The following TAS2R1 variants were observed in gnomAD, a reference collection of about 807,000 sequenced individuals.
The protein encoded by TAS2R1 is taste 2 receptor member 1, also known as taste receptor type 2 member 1.
For missense variants in TAS2R1, 370 were observed against 353.4 expected, an observed-to-expected ratio of 1.05 and a Z score of -0.38; for synonymous variants, 141 against 134.2, an observed-to-expected ratio of 1.05 and a Z score of -0.35.
the TAS2R1 span, among the ~76,000 whole-genome samples, chr5:9,839,805 A>G: frequency 6.6e-6 from 1 of 152,146 alleles, no homozygotes; most frequent in African/African-American, 2.4e-5. Flanking sequence ...AGGTAATTAC[A>G]TATTTAAAGT....
At position 9,638,080 on chromosome 5, in the gene TAS2R1, G is replaced by A. The variant is rs1052109010; in HGVS notation, c.-80-8088C>T. 3.3e-5 allele frequency among the ~76,000 whole-genome samples: 5 copies of A among 152,162 alleles called. No homozygotes were observed. The East Asian group carries it at 9.6e-4, about 29-fold the overall frequency. On this transcript the variant is annotated intron_variant, in intron 2 of 2. Transcript: ENST00000506620. ...TCAGTGGAGAGGTCTAAAACTCAAGGCCTGCTGTTAAGATTCTCTTGTCCC... is the reference window on the plus strand; with the variant it reads ...TCAGTGGAGAGGTCTAAAACTCAAGACCTGCTGTTAAGATTCTCTTGTCCC...
chr5:9,765,447 T>C, the TAS2R1 span: 1 of 151,686 alleles, frequency 6.6e-6, no homozygotes, highest in South Asian at 2.1e-4. Flanking sequence ...TATGAATAAA[T>C]GCTGGTCAAA....
At chr5:9,800,509 T>G in the TAS2R1 span, among the ~76,000 whole-genome samples, 1 of 152,230 alleles carries the variant, frequency 6.6e-6, no homozygotes, top group East Asian at 1.9e-4. Context: ...GCTTCCTAGC[T>G]CTTCACATAG....
the TAS2R1 span, among the ~76,000 whole-genome samples, chr5:9,767,021 G>A: frequency 6.6e-6 from 1 of 152,070 alleles, no homozygotes; most frequent in African/African-American, 2.4e-5. Flanking sequence ...CCTACACATG[G>A]ATGGAGCCCA....
the TAS2R1 span, among the ~76,000 whole-genome samples, chr5:9,899,900 G>C: frequency 1.3e-5 from 2 of 152,218 alleles, no homozygotes; most frequent in African/African-American, 2.4e-5. Context: ...CTGTGGTCCG[G>C]TCCCCAAATG....
chr5:9,894,808 T>A, the TAS2R1 span, among the ~76,000 whole-genome samples: 2 of 152,200 alleles, frequency 1.3e-5, no homozygotes, highest in Non-Finnish European at 2.9e-5. Context: ...TCACAGCAGG[T>A]TTCTTTGTGT....
intron 2 of TAS2R1, among the ~76,000 whole-genome samples, chr5:9,653,291 T>A (rs950899126): frequency 6.6e-6 from 1 of 152,226 alleles, no homozygotes; most frequent in Non-Finnish European, 1.5e-5. Context: ...CGTTGTAGCA[T>A]ACGTCAGAAT....
At chr5:9,794,854 T>C in the TAS2R1 span, among the ~76,000 whole-genome samples, 1 of 152,228 alleles carries the variant, frequency 6.6e-6, no homozygotes, top group Non-Finnish European at 1.5e-5. Context: ...CAGCCTTTCT[T>C]GGTAGAATGT....
chr5:9,752,949 T>G, the TAS2R1 span, among the ~76,000 whole-genome samples: 1 of 152,240 alleles, frequency 6.6e-6, no homozygotes, highest in South Asian at 2.1e-4. Context: ...AGTCTATCAC[T>G]GTTGGACATT....
At chr5:9,633,003 G>C (rs1245370606), upstream of TAS2R1, among the ~76,000 whole-genome samples, 1 of 151,814 alleles carries the variant, frequency 6.6e-6, no homozygotes, top group Non-Finnish European at 1.5e-5. Flanking sequence ...ACTGTCTATG[G>C]CAGCTGTAGC....
chr5:9,698,510 G>A (rs980729242), intron 1 of TAS2R1, among the ~76,000 whole-genome samples: 17 of 152,176 alleles, frequency 1.1e-4, no homozygotes, highest in South Asian at 2.1e-4. Context: ...TAAAGTTGTC[G>A]TGTTTTATCT....
rs977552824 is a variant in TAS2R1 at position 9,662,171 on chromosome 5, G to A, written c.-241-2590C>T. The stretch of plus-strand genomic sequence containing the variant: ...TCACAAATCCAGCCTAATTCCAAAC[G>A]GGTAGAGAAAGAAAATCTACTCCTT... On this transcript the variant is annotated intron_variant, in intron 1 of 2. Transcript: ENST00000506620. 7.2e-5 allele frequency among the ~76,000 whole-genome samples: 11 copies of A among 152,124 alleles called. No homozygotes were observed. The East Asian group carries it at 1.9e-3, about 27-fold the overall frequency.
the TAS2R1 span, among the ~76,000 whole-genome samples, chr5:9,842,674 G>A: frequency 6.6e-6 from 1 of 151,988 alleles, no homozygotes; most frequent in Non-Finnish European, 1.5e-5. Flanking sequence ...GCTGATTTGT[G>A]GCAAAGTTGC....
upstream of TAS2R1, among the ~76,000 whole-genome samples, chr5:9,713,631 C>T (rs1363676522): frequency 6.6e-6 from 1 of 152,100 alleles, no homozygotes; most frequent in South Asian, 2.1e-4. Context: ...AAATATATTT[C>T]AGTCTTTTGG....
chr5:9,826,748 C>T, the TAS2R1 span, among the ~76,000 whole-genome samples: 2 of 152,174 alleles, frequency 1.3e-5, no homozygotes. Context: ...TTTAGGGACA[C>T]ATTTTAGCCC....
At chr5:9,786,728 T>TA in the TAS2R1 span, among the ~76,000 whole-genome samples, 1 of 152,182 alleles carries the variant, frequency 6.6e-6, no homozygotes, top group East Asian at 1.9e-4. Flanking sequence ...TTAAAATTGT[T>TA]AAAAATTAGA....
intron 1 of TAS2R1, among the ~76,000 whole-genome samples, chr5:9,684,853 A>G (rs1561378266): frequency 6.6e-6 from 1 of 152,136 alleles, no homozygotes; most frequent in Admixed American, 6.5e-5. Flanking sequence ...TATCAACTAA[A>G]AGTTAAAGGA....
rs1225344206 is a variant in TAS2R1, at chr5:9,627,528, A to C, written c.*1605T>G. 6.6e-6 allele frequency among the ~76,000 whole-genome samples: 1 copy of C among 152,132 alleles called. No homozygotes were observed. The highest frequency in any genetic ancestry group is 1.5e-5 in the Non-Finnish European group (1 of 68,012). Reference sequence around the variant, plus strand: ...ACACATGAGAGTTGTATCATGACAAATTTCTCCCTGAATGTTTGAAATTGC... The same window carrying C: ...ACACATGAGAGTTGTATCATGACAACTTTCTCCCTGAATGTTTGAAATTGC... On this transcript the variant is annotated 3_prime_UTR_variant, in exon 1 of 1. Transcript: ENST00000382492.
chr5:9,824,890 G>A, the TAS2R1 span, among the ~76,000 whole-genome samples: 1 of 150,142 alleles, frequency 6.7e-6, no homozygotes, highest in African/African-American at 2.5e-5. Context: ...AAAGGGAAAG[G>A]AAAGGAGACA....
Sources: gnomAD v4.1 joint callset for allele counts (sites outside exome capture counted in the v4.1 genomes callset) on GRCh38, gnomAD v4.1.1 for gene constraint, MANE v1.5 for transcripts, NCBI Gene and HGNC (gene_info 2026-07-23, HGNC 2026-07-21) for gene names.